Variants in CRYBG1 observed in about 807,000 individuals in gnomAD.
CRYBG1 encodes the protein crystallin beta-gamma domain containing 1.
CRYBG1 carries 139 observed loss-of-function variants against 189.2 expected under a neutral mutation model. The ratio of observed to expected loss-of-function variants is 0.73; its 90% CI spans 0.64 to 0.85. The LOEUF (loss-of-function observed/expected upper bound fraction) is 0.85. Among genes scored for constraint, CRYBG1 ranks in the 40% least tolerant of loss-of-function variants. CRYBG1 has a pLI of 0.00. For missense variants in CRYBG1, 2,611 were observed against 2,675.8 expected (o/e 0.98, Z 0.53); for synonymous variants, 1,023 against 1,017.1 (o/e 1.01, Z -0.11).
At chr6:106,396,081 A>G (rs1770602592) in intron 1 of CRYBG1, among the ~76,000 whole-genome samples, 1 of 152,164 alleles carries the variant, frequency 6.6e-6, no homozygotes, top group East Asian at 1.9e-4. Flanking sequence ...TAGTCCCTAG[A>G]TATAAGAGCT....
intron 1 of CRYBG1, among the ~76,000 whole-genome samples, chr6:106,396,485 C>T (rs2114346413): frequency 6.6e-6 from 1 of 152,246 alleles, no homozygotes; most frequent in South Asian, 2.1e-4. Flanking sequence ...TCCAGCATTT[C>T]AAGGACTCAT....
At chr6:106,511,228 G>A (rs555930314) in intron 2 of CRYBG1, among the ~76,000 whole-genome samples, 1 of 152,332 alleles carries the variant, frequency 6.6e-6, no homozygotes, top group East Asian at 1.9e-4. Context: ...ACTACTGCCA[G>A]AAACTTAAGG....
intron 1 of CRYBG1, among the ~76,000 whole-genome samples, chr6:106,391,610 A>G (rs1022864916): frequency 2.6e-5 from 4 of 151,838 alleles, no homozygotes; most frequent in African/African-American, 9.7e-5. Context: ...TTTTGTATAT[A>G]TATATGCAAA....
chr6:106,567,479 C>T (rs547852006), intron 21 of CRYBG1, among the ~76,000 whole-genome samples: 257 of 152,282 alleles, frequency 1.7e-3, no homozygotes, highest in African/African-American at 5.8e-3. Context: ...AAACCTTTTT[C>T]ATATTTTGTA....
chr6:106,487,136 A>G (rs573254135), intron 2 of CRYBG1, among the ~76,000 whole-genome samples: 104 of 152,298 alleles, frequency 6.8e-4, no homozygotes, highest in Admixed American at 9.8e-4. Flanking sequence ...TTGTAATTAT[A>G]ATAGACTATT....
At chr6:106,384,736 TTTTAAAAG>T (rs1219684070) in intron 1 of CRYBG1, among the ~76,000 whole-genome samples, 4 of 152,168 alleles carry the variant, frequency 2.6e-5, no homozygotes, top group African/African-American at 9.6e-5. Flanking sequence ...GTTAAGTATG[TTTTAAAAG>T]TAAAACATAC....
At position 106,383,886 on chromosome 6, in the gene CRYBG1, C is replaced by G. The variant is rs576419809; in HGVS notation, c.173+22805C>G. Among the ~76,000 whole-genome samples, 7 of 152,284 alleles carry G rather than the reference C, an allele frequency of 4.6e-5. 1 individual carries two copies. In the South Asian group the frequency reaches 1.0e-3, roughly 23 times the overall value. On this transcript the variant is annotated intron_variant, in intron 1 of 21. Coordinates refer to ENST00000633556, the MANE Select transcript of CRYBG1 (RefSeq NM_001371242.2). ...GGCTGGTGAGTTTTTGAGATTAGTA[C>G]ATGGGGCTAGGGAAGTTATAATTGT...
chr6:106,364,427 T>C (rs1425433900), intron 1 of CRYBG1, among the ~76,000 whole-genome samples: 1 of 152,270 alleles, frequency 6.6e-6, no homozygotes, highest in Non-Finnish European at 1.5e-5. Context: ...TTGTGGCTTT[T>C]GGTATAGACA....
chr6:106,556,577 G>A (rs2615206), intron 17 of CRYBG1, among the ~76,000 whole-genome samples: 128,348 of 152,188 alleles, frequency 0.84, 54,573 homozygotes, highest in Non-Finnish European at 0.89. Flanking sequence ...TTGGACAGAA[G>A]TCTTTCAGTT....
In CRYBG1 at chr6:106,385,634, A is replaced by G. The variant is rs537196938; in HGVS notation, c.173+24553A>G. ...AAAACTATATCGCACAAAAACAAGAATTGTTGTTTCATTGTAAACGTCGGT... is the reference window on the plus strand; with the variant it reads ...AAAACTATATCGCACAAAAACAAGAGTTGTTGTTTCATTGTAAACGTCGGT... On this transcript the variant is annotated intron_variant, in intron 1 of 21. Transcript: ENST00000633556. Among the ~76,000 whole-genome samples the G allele has an allele frequency of 8.5e-5, 13 of 152,334 alleles. No individual in the cohort carries two copies. The South Asian group carries it at 2.3e-3, about 27-fold the overall frequency.
In CRYBG1 at chr6:106,521,210, G is replaced by T. The variant is rs150414602; in HGVS notation, c.4002G>T (p.Pro1334=). 1 of 1,613,918 alleles carries T rather than the reference G, an allele frequency of 6.2e-7. No homozygotes were observed. Among genetic ancestry groups the T allele is most frequent in the Non-Finnish European group, 8.5e-7 (1 of 1,179,966 alleles). ...GTCCAAGCCACATGGAAAAATACCC[G>T]CAAAAAGAGAAAACCAAAGAAGATC... The part of the protein sequence containing the change: ...LKSPSHMEKY[P]QKEKTKEDLD... Residue 1334 remains proline, a synonymous_variant, in exon 4 of 22, where the codon CCG becomes CCT. Coordinates refer to ENST00000633556, the MANE Select transcript of CRYBG1 (RefSeq NM_001371242.2).
chr6:106,501,654 C>T (rs1175532604), intron 2 of CRYBG1, among the ~76,000 whole-genome samples: 1 of 152,154 alleles, frequency 6.6e-6, no homozygotes, highest in South Asian at 2.1e-4. Context: ...TTCTCAGTAC[C>T]CTGTATGATA....
intron 20 of CRYBG1, 111 bp from the exon 21 acceptor site, chr6:106,563,653 T>C (rs1283599661): frequency 1.3e-5 from 15 of 1,136,584 alleles, no homozygotes; most frequent in South Asian, 1.7e-5. Context: ...GTGGGGTAAA[T>C]GAAGCTAGGA....
At chr6:106,506,943 A>C (rs1034878682) in intron 2 of CRYBG1, among the ~76,000 whole-genome samples, 1 of 152,252 alleles carries the variant, frequency 6.6e-6, no homozygotes, top group African/African-American at 2.4e-5. Flanking sequence ...GGCCAGCTTC[A>C]GAACCAGAAC....
chr6:106,477,647 C>T (rs535149460), intron 2 of CRYBG1, among the ~76,000 whole-genome samples: 1 of 152,332 alleles, frequency 6.6e-6, no homozygotes, highest in African/African-American at 2.4e-5. Flanking sequence ...CCCTGGTGAT[C>T]TGAGCTGTGA....
rs923791577 is a variant in CRYBG1 at position 106,511,863 on chromosome 6, C to G, written c.746C>G (p.Thr249Ser). Residue 249 changes from threonine to serine, a missense_variant, in exon 3 of 22, where the codon ACC (threonine) becomes AGC (serine). Physicochemically the swap from Thr to Ser is moderately conservative, Grantham distance 58 (BLOSUM62 1). This residue lies in a region of CRYBG1 where 985 missense variants were observed against 924.4 expected (regional missense o/e 1.07). Transcript: ENST00000633556. ...EAEGEPFPDA[T>S]TTAKQLHSSP... ...GAGGGAGAGCCTTTCCCAGATGCCA[C>G]CACCACTGCCAAGCAGCTGCATTCC... The G allele has an allele frequency of 1.7e-5, 26 of 1,515,474 alleles. No individual in the cohort carries two copies. Among genetic ancestry groups the G allele is most frequent in the Non-Finnish European group, 2.3e-5 (26 of 1,134,258 alleles). 93.9% of individuals were successfully genotyped at this position (1,515,474 alleles called of 1,614,324 possible). A position where few individuals can be genotyped will look rare whatever the true frequency, so the allele number is the denominator to read the frequency against.
At chr6:106,492,211 A>G (rs767426586) in intron 2 of CRYBG1, among the ~76,000 whole-genome samples, 1 of 152,248 alleles carries the variant, frequency 6.6e-6, no homozygotes, top group African/African-American at 2.4e-5. Flanking sequence ...AGACAAGCCT[A>G]TAAGCTTCTA....
rs113980392 is a variant in CRYBG1 at position 106,505,522 on chromosome 6, C to A, written c.313-5908C>A. Among the ~76,000 whole-genome samples, 159 of 152,256 alleles carry A rather than the reference C, an allele frequency of 1.0e-3. 1 individual carries two copies. Among genetic ancestry groups the A allele is most frequent in the African/African-American group, 3.6e-3 (150 of 41,542 alleles). On this transcript the variant is annotated intron_variant, in intron 2 of 21. Coordinates refer to ENST00000633556, the MANE Select transcript of CRYBG1 (RefSeq NM_001371242.2). Reference sequence around the variant, plus strand: ...GGGATTACAGGCGTGAACCACCATGCCTGGCCTTGTTTTTCTGTGTGTGTT... The same window carrying A: ...GGGATTACAGGCGTGAACCACCATGACTGGCCTTGTTTTTCTGTGTGTGTT...
chr6:106,530,105 G>A, intron 7 of CRYBG1, 71 bp from the exon 8 acceptor site: 1 of 1,333,842 alleles, frequency 7.5e-7, no homozygotes, highest in Non-Finnish European at 1.0e-6. Flanking sequence ...GTAAGAAGAA[G>A]AAGAATGAGC....
Sources: allele counts gnomAD v4.1 joint callset (sites outside exome capture counted in the v4.1 genomes callset), GRCh38; gene constraint gnomAD v4.1.1; regional missense constraint gnomAD v4.1.1; transcripts MANE v1.5; gene names NCBI Gene and HGNC (gene_info 2026-07-23, HGNC 2026-07-21).